Variants in MUC5AC observed in about 807,000 individuals in gnomAD.
The protein encoded by MUC5AC is mucin-5AC.
Under a neutral mutation model 169.7 loss-of-function variants are expected in MUC5AC, and 158 were observed. The ratio of observed to expected loss-of-function variants is 0.93; its 90% CI spans 0.82 to 1.06. MUC5AC has a LOEUF of 1.06. MUC5AC is among the 50% of genes least tolerant of loss of function. The pLI is 0.00. For missense variants in MUC5AC, 4,359 were observed against 3,089.9 expected (o/e 1.41, Z -9.74); for synonymous variants, 1,975 against 1,237.0 (o/e 1.60, Z -12.52).
intron 1 of MUC5AC, among the ~76,000 whole-genome samples, chr11:1,159,713 G>A (rs1201514499): frequency 7.3e-6 from 1 of 137,556 alleles, no homozygotes; most frequent in African/African-American, 2.8e-5. Flanking sequence ...GGGGCTGTGT[G>A]GGGCTGTGCG....
intron 35 of MUC5AC, 109 bp downstream of exon 35, chr11:1,194,779 T>G (rs1031888527): frequency 1.6e-6 from 1 of 629,684 alleles, no homozygotes; most frequent in Non-Finnish European, 2.8e-6. Flanking sequence ...GCTTTCTGGC[T>G]GCTCTGCTGA....
At chr11:1,165,918 C>G (rs996438293) in intron 11 of MUC5AC, among the ~76,000 whole-genome samples, 158 bp downstream of exon 11, 4 of 152,126 alleles carry the variant, frequency 2.6e-5, no homozygotes, top group African/African-American at 4.8e-5. Context: ...AGCTCCCCAG[C>G]GCTAGTCCTC....
At position 1,163,029 on chromosome 11, in the gene MUC5AC, C is replaced by G. The variant is rs35783651; in HGVS notation, c.663C>G (p.Ser221Arg). The part of the protein sequence containing the change: ...CGDFNGMPVV[S>R]ELLSHNTKLT... ...ACTTCAACGGGATGCCCGTGGTCAGCGAGCTCCTCTCCCACAGTAAGGCCC... is the reference window on the plus strand; with the variant it reads ...ACTTCAACGGGATGCCCGTGGTCAGGGAGCTCCTCTCCCACAGTAAGGCCC... The change falls in exon 6 of 49, where the codon AGC (serine) becomes AGG (arginine). Residue 221 changes from serine (S) to arginine (R), a missense_variant. Ser to Arg is a moderately radical substitution (Grantham distance 110, BLOSUM62 -1). Coordinates refer to ENST00000621226, the MANE Select transcript of MUC5AC (RefSeq NM_001304359.2). The G allele has an allele frequency of 0.19, 298,463 of 1,612,168 alleles. 30,124 individuals are homozygous for G. The highest frequency in any genetic ancestry group is 0.21 in the Non-Finnish European group (247,360 of 1,179,410).
chr11:1,194,524 G>T lies in MUC5AC; in HGVS notation c.15044G>T (p.Arg5015Leu). The change falls in exon 35 of 49, where the codon CGG becomes CTG. Residue 5015 changes from arginine to leucine, a missense_variant. Arg to Leu is a moderately radical substitution (Grantham distance 102). Coordinates refer to ENST00000621226, the MANE Select transcript of MUC5AC (RefSeq NM_001304359.2). ...FNNKVVSPGF[R>L]KNGIVVSRIG... is the part of the protein sequence containing the mutation. ...AACAAGGTGGTCAGCCCCGGCTTCC[G>T]GAAAAACGGCATCGTGGTCTCGCGC... The T allele has an allele frequency of 1.3e-6, 1 of 762,852 alleles. No individual in the cohort carries two copies. The allele number at this position is 762,852 out of a possible 1,614,324, so 47.3% of individuals were successfully genotyped here.
At chr11:1,165,272 G>T in intron 9 of MUC5AC, 30 bp from the exon 10 acceptor site, 1 of 1,588,544 alleles carries the variant, frequency 6.3e-7, no homozygotes, top group Non-Finnish European at 8.6e-7. Context: ...CACAGCAGGC[G>T]CCCGTCATAG....
At position 1,186,257 on chromosome 11, in the gene MUC5AC, C is replaced by A. The variant is rs1228192070; in HGVS notation, c.8112C>A (p.Pro2704=). ...CTGGAACTACTCCCAGCCCTGTTCC[C>A]ACCACCAGCACAACCTCTGCTCCCA... ...SGPGTTPSPV[P]TTSTTSAPTT... Residue 2704 remains proline, a synonymous_variant, in exon 31 of 49, where the codon CCC becomes CCA. Coordinates refer to ENST00000621226, the MANE Select transcript of MUC5AC (RefSeq NM_001304359.2). 1 of 730,918 alleles carries A rather than the reference C, an allele frequency of 1.4e-6. No individual in the cohort carries two copies. Among genetic ancestry groups the A allele is most frequent in the African/African-American group, 1.8e-5 (1 of 56,182 alleles). 45.3% of individuals were successfully genotyped at this position (730,918 alleles called of 1,614,324 possible). A position where few individuals can be genotyped will look rare whatever the true frequency, so the allele number is the denominator to read the frequency against.
intron 1 of MUC5AC, among the ~76,000 whole-genome samples, chr11:1,159,817 A>G (rs113938189): frequency 0.59 from 14,670 of 24,936 alleles, 4,578 homozygotes; most frequent in African/African-American, 0.74. Context: ...AGGGCTGTGC[A>G]GGGCTGGCGT....
At chr11:1,165,561 C>T (rs56002968) in intron 10 of MUC5AC, 61 bp from the exon 11 acceptor site, 268,851 of 1,601,344 alleles carry the variant, frequency 0.17, 24,560 homozygotes, top group African/African-American at 0.37. Context: ...CCTCCTGACG[C>T]GGAGGCTGGA....
At chr11:1,165,061 C>T (rs1193088222) in intron 9 of MUC5AC, among the ~76,000 whole-genome samples, 1 of 148,984 alleles carries the variant, frequency 6.7e-6, no homozygotes, top group Admixed American at 6.7e-5. Context: ...TGTCCTGGGC[C>T]CCTGAGGCTG....
Position 1,161,599 on chromosome 11 carries a change from C to T in MUC5AC, c.211+13C>T, listed in dbSNP as rs559858623. Reference sequence around the variant, plus strand: ...CCTGTGGTACGAGGTGAGTGGAGCCCGGAGGCCTGGGTGGGGAAGGGTCAT... The same window carrying T: ...CCTGTGGTACGAGGTGAGTGGAGCCTGGAGGCCTGGGTGGGGAAGGGTCAT... On this transcript the variant is annotated intron_variant, in intron 3 of 48. Coordinates refer to ENST00000621226, the MANE Select transcript of MUC5AC (RefSeq NM_001304359.2). 53 of 1,607,204 alleles carry T rather than the reference C, an allele frequency of 3.3e-5. No individual in the cohort carries two copies. Among genetic ancestry groups the T allele is most frequent in the African/African-American group, 6.7e-5 (5 of 74,902 alleles).
In MUC5AC at chr11:1,176,194, G is replaced by A. The variant is rs1860681343; in HGVS notation, c.2445G>A (p.Thr815=). The change falls in exon 20 of 49, where the codon ACG becomes ACA. Residue 815 remains threonine (T), a synonymous_variant. Coordinates refer to ENST00000621226, the MANE Select transcript of MUC5AC (RefSeq NM_001304359.2). The part of the protein sequence containing the change: ...PMVFFDCRNA[T]PGDTGAGCQK... ...TGTTCTTTGACTGCCGAAATGCCAC[G>A]CCCGGGGACACAGGGGCTGGCTGTC... is the stretch of plus-strand genomic sequence containing the variant. The A allele has an allele frequency of 2.5e-6, 1 of 398,656 alleles. No homozygotes were observed. Among genetic ancestry groups the A allele is most frequent in the Non-Finnish European group, 4.4e-6 (1 of 226,094 alleles). 24.7% of individuals were successfully genotyped at this position (398,656 alleles called of 1,614,324 possible).
In MUC5AC at chr11:1,165,305, C is replaced by T. The variant is rs377067279; in HGVS notation, c.1133C>T (p.Thr378Met). ...CVAGCFCPEGTVLDDIGQTGC... is the reference protein window; with the variant it reads ...CVAGCFCPEGMVLDDIGQTGC... ...TAGGCCTGCCTGACCCCTGCAGGGA[C>T]GGTGCTTGACGACATCGGCCAGACC... The change falls in exon 10 of 49, where the codon ACG becomes ATG. Residue 378 changes from threonine (T) to methionine (M), a missense_variant. Thr to Met is a moderately conservative substitution (Grantham distance 81, BLOSUM62 -1). Coordinates refer to ENST00000621226, the MANE Select transcript of MUC5AC (RefSeq NM_001304359.2). 67 of 1,611,178 alleles carry T rather than the reference C, an allele frequency of 4.2e-5. No homozygotes were observed. The highest frequency in any genetic ancestry group is 1.7e-4 in the Middle Eastern group (1 of 5,852).
intron 1 of MUC5AC, 36 bp from the exon 2 acceptor site, chr11:1,160,576 C>T: frequency 6.3e-7 from 1 of 1,577,462 alleles, no homozygotes; most frequent in Non-Finnish European, 8.6e-7. Context: ...CTCAGCCACC[C>T]TGCATCTGGG....
At chr11:1,174,655 C>A in intron 17 of MUC5AC, 33 bp downstream of exon 17, 1 of 839,690 alleles carries the variant, frequency 1.2e-6, no homozygotes, top group Non-Finnish European at 1.8e-6. Flanking sequence ...CCCTTTCCCT[C>A]GCTGGGTGGC....
rs201626282 is a variant in MUC5AC, at chr11:1,192,256, G to A, written c.14111G>A (p.Arg4704Gln). 92 of 764,966 alleles carry A rather than the reference G, an allele frequency of 1.2e-4. No individual in the cohort carries two copies. The highest frequency in any genetic ancestry group is 2.2e-4 in the East Asian group (9 of 41,258). 47.4% of individuals were successfully genotyped at this position (764,966 alleles called of 1,614,324 possible). The change falls in exon 31 of 49, where the codon CGG becomes CAG. Residue 4704 changes from arginine to glutamine, a missense_variant. Arg to Gln is a conservative substitution (Grantham distance 43). Transcript: ENST00000621226. ...QCSREEGLVC[R>Q]NQDQQGPFKM... Reference sequence around the variant, plus strand: ...AGCCGTGAAGAGGGCCTGGTGTGCCGGAACCAGGACCAGCAGGGACCCTTC... The same window carrying A: ...AGCCGTGAAGAGGGCCTGGTGTGCCAGAACCAGGACCAGCAGGGACCCTTC...
rs2133751308 is a variant in MUC5AC, at chr11:1,181,544, A to G, written c.4009+85A>G. On this transcript the variant is annotated intron_variant, in intron 30 of 48. Transcript: ENST00000621226. Reference sequence around the variant, plus strand: ...TGCCCTTGCTGGACGCTGAGGTCACAGCAGCTCTGGGCATGGGCGGCAGCC... The same window carrying G: ...TGCCCTTGCTGGACGCTGAGGTCACGGCAGCTCTGGGCATGGGCGGCAGCC... The G allele has an allele frequency of 1.0e-5, 4 of 398,364 alleles. No homozygotes were observed. The East Asian group carries it at 1.4e-4, about 14-fold the overall frequency. The allele number at this position is 398,364 out of a possible 1,614,324, so 24.7% of individuals were successfully genotyped here.
At chr11:1,181,214 C>T in intron 29 of MUC5AC, 32 bp downstream of exon 29, 1 of 398,344 alleles carries the variant, frequency 2.5e-6, no homozygotes, top group Non-Finnish European at 4.4e-6. Context: ...GGGCTGGGGT[C>T]CGGGGGTCTC....
chr11:1,197,411 G>C, intron 40 of MUC5AC, 57 bp from the exon 41 acceptor site: 1 of 691,154 alleles, frequency 1.4e-6, no homozygotes, highest in South Asian at 1.5e-5. Flanking sequence ...CGGGGTGGCT[G>C]CTGCACCCCT....
In MUC5AC at chr11:1,174,632, T is replaced by C. The variant is rs1590140440; in HGVS notation, c.2092+10T>C. ...AGGGACGGCGTCTGCAGTGAGTGCC[T>C]GCCAAGCCCAGCCCCTTTCCCTCGC... On this transcript the variant is annotated intron_variant, in intron 17 of 48. Transcript: ENST00000621226. 2.0e-5 allele frequency: 21 copies of C among 1,054,220 alleles called. No homozygotes were observed. The East Asian group carries it at 5.7e-4, about 28-fold the overall frequency. The allele number at this position is 1,054,220 out of a possible 1,614,324, so 65.3% of individuals were successfully genotyped here. A position where few individuals can be genotyped will look rare whatever the true frequency, so the allele number is the denominator to read the frequency against.
Sources: gnomAD v4.1 joint callset for allele counts (sites outside exome capture counted in the v4.1 genomes callset) on GRCh38, gnomAD v4.1.1 for gene constraint, MANE v1.5 for transcripts, NCBI Gene and HGNC (gene_info 2026-07-23, HGNC 2026-07-21) for gene names.